The following SNX29 variants were observed in gnomAD, a reference collection of about 807,000 sequenced individuals.
SNX29 encodes the protein sorting nexin-29.
A neutral mutation model predicts 102.1 loss-of-function variants in SNX29; 78 were observed. The observed-to-expected ratio is 0.76, with a 90% CI of 0.64 to 0.92. The LOEUF (loss-of-function observed/expected upper bound fraction) is 0.92. Ranked by LOEUF, SNX29 falls within the 40% of genes least tolerant of loss-of-function variation. SNX29 has a pLI of 0.00. For synonymous variants in SNX29, 580 were observed against 414.5 expected (o/e 1.40, Z -4.85); for missense variants, 1,280 against 1,061.7 (o/e 1.21, Z -2.86).
chr16:12,139,193 TAAAAAAAAAA>T (rs34808071), intron 13 of SNX29, among the ~76,000 whole-genome samples: 6 of 66,134 alleles, frequency 9.1e-5, no homozygotes, highest in African/African-American at 2.0e-4. Flanking sequence ...AGCGAGACTC[TAAAAAAAAAA>T]AAAAAAAAAA....
At chr16:12,058,881 C>T (rs1287477695) in intron 8 of SNX29, among the ~76,000 whole-genome samples, 1 of 149,896 alleles carries the variant, frequency 6.7e-6, no homozygotes, top group Non-Finnish European at 1.5e-5. Context: ...AGCCCTCGAC[C>T]TCCCAGGCTC....
In SNX29 at chr16:12,013,906, C is replaced by A. The variant is rs201709414; in HGVS notation, c.122+10863C>A. ...GCTCAGGCAATCTACCCGCTTCGGC[C>A]CCCCAAAGTGCTAGGATTACAGGCA... On this transcript the variant is annotated intron_variant, in intron 3 of 20. Transcript: ENST00000566228. 2.6e-4 allele frequency among the ~76,000 whole-genome samples: 40 copies of A among 152,002 alleles called. No individual in the cohort carries two copies. In the East Asian group the frequency reaches 5.2e-3, roughly 20 times the overall value.
chr16:12,310,734 A>G (rs2080511575), intron 15 of SNX29, among the ~76,000 whole-genome samples: 1 of 152,206 alleles, frequency 6.6e-6, no homozygotes, highest in African/African-American at 2.4e-5. Flanking sequence ...ACATATGTCA[A>G]AACTTGTCAG....
chr16:12,012,043 C>A (rs904117091), intron 3 of SNX29, among the ~76,000 whole-genome samples: 4 of 152,080 alleles, frequency 2.6e-5, no homozygotes, highest in African/African-American at 9.7e-5. Context: ...CTTCATTCAA[C>A]AGGTATTTAT....
chr16:12,440,410 C>T (rs548827388), intron 18 of SNX29, among the ~76,000 whole-genome samples: 1 of 152,142 alleles, frequency 6.6e-6, no homozygotes, highest in African/African-American at 2.4e-5. Flanking sequence ...CCCCTCCTAG[C>T]CCTTGGAAGC....
At chr16:12,013,443 C>T (rs1238931413) in intron 3 of SNX29, among the ~76,000 whole-genome samples, 2 of 125,502 alleles carry the variant, frequency 1.6e-5, no homozygotes, top group African/African-American at 3.0e-5. Context: ...GCCAGGAGTT[C>T]GAGACCAGCC....
At chr16:12,513,660 A>G (rs2089735932) in intron 19 of SNX29, among the ~76,000 whole-genome samples, 1 of 152,146 alleles carries the variant, frequency 6.6e-6, no homozygotes, top group Non-Finnish European at 1.5e-5. Flanking sequence ...GACCTTCCTC[A>G]TGAATATTTG....
chr16:12,024,249 C>T (rs1199728082), intron 3 of SNX29, among the ~76,000 whole-genome samples: 1 of 152,032 alleles, frequency 6.6e-6, no homozygotes, highest in Non-Finnish European at 1.5e-5. Flanking sequence ...TGTGATGCTC[C>T]TGCCTCAGCC....
rs1249570782 is a variant in SNX29 at position 12,069,047 on chromosome 16, C to T, written c.1244-10C>T. On this transcript the variant is annotated splice_polypyrimidine_tract_variant and intron_variant, in intron 9 of 20. Transcript: ENST00000566228. ...AGTGACCTCTTTCTGTGATTGCTCT[C>T]TCTGCACAGATGCCCCCCTCGGAAG... The T allele has an allele frequency of 6.2e-7, 1 of 1,613,532 alleles. No individual in the cohort carries two copies. The highest frequency in any genetic ancestry group is 1.3e-5 in the African/African-American group (1 of 74,914).
intron 18 of SNX29, among the ~76,000 whole-genome samples, chr16:12,438,557 C>G (rs1362755201): frequency 6.6e-6 from 1 of 152,154 alleles, no homozygotes; most frequent in Non-Finnish European, 1.5e-5. Flanking sequence ...TAACACAGAC[C>G]AGCATTGAGG....
chr16:12,415,702 C>T (rs2084603168), intron 18 of SNX29, among the ~76,000 whole-genome samples: 1 of 152,112 alleles, frequency 6.6e-6, no homozygotes, highest in African/African-American at 2.4e-5. Flanking sequence ...CGGACTTGGT[C>T]AGGCTGACAG....
chr16:12,467,029 C>G (rs901442000), intron 18 of SNX29, among the ~76,000 whole-genome samples: 2 of 152,092 alleles, frequency 1.3e-5, no homozygotes, highest in Non-Finnish European at 2.9e-5. Context: ...CCTGGCTTTC[C>G]TAGGTGTGAA....
chr16:12,247,566 A>G (rs187355023), intron 14 of SNX29, among the ~76,000 whole-genome samples: 1 of 152,290 alleles, frequency 6.6e-6, no homozygotes, highest in Non-Finnish European at 1.5e-5. Flanking sequence ...TGACATGGGC[A>G]CAGAGTTTCT....
At chr16:12,067,716 G>A (rs1486924053) in intron 9 of SNX29, among the ~76,000 whole-genome samples, 1 of 152,182 alleles carries the variant, frequency 6.6e-6, no homozygotes, top group Non-Finnish European at 1.5e-5. Flanking sequence ...TCGAACTCCT[G>A]ACCTCAAGTA....
chr16:12,215,829 G>A (rs1391758086), intron 14 of SNX29, among the ~76,000 whole-genome samples: 1 of 152,222 alleles, frequency 6.6e-6, no homozygotes, highest in Non-Finnish European at 1.5e-5. Context: ...ATTAAGCCAA[G>A]CAAGGCTGTA....
chr16:12,293,424 A>G (rs2079868848), intron 15 of SNX29, among the ~76,000 whole-genome samples: 1 of 152,228 alleles, frequency 6.6e-6, no homozygotes, highest in African/African-American at 2.4e-5. Context: ...CCTGCTGTTC[A>G]GACAGTGTGT....
At chr16:12,562,634 C>CT (rs1208032679) in intron 20 of SNX29, among the ~76,000 whole-genome samples, 2 of 152,208 alleles carry the variant, frequency 1.3e-5, no homozygotes, top group African/African-American at 4.8e-5. Flanking sequence ...CTATCAGGGT[C>CT]TTCCCTGAGG....
intron 19 of SNX29, among the ~76,000 whole-genome samples, chr16:12,519,382 T>C (rs1438004119): frequency 6.6e-6 from 1 of 152,204 alleles, no homozygotes; most frequent in East Asian, 1.9e-4. Flanking sequence ...AACTCGTCTT[T>C]TAAAATTCCA....
At chr16:12,178,028 C>T (rs1213347692) in intron 13 of SNX29, among the ~76,000 whole-genome samples, 1 of 152,180 alleles carries the variant, frequency 6.6e-6, no homozygotes, top group African/African-American at 2.4e-5. Flanking sequence ...TCTTAGACCT[C>T]GTTGTCCTCA....
Sources: allele counts gnomAD v4.1 joint callset (sites outside exome capture counted in the v4.1 genomes callset), GRCh38; gene constraint gnomAD v4.1.1; transcripts MANE v1.5; gene names NCBI Gene and HGNC (gene_info 2026-07-23, HGNC 2026-07-21).